The following ST8SIA2 variants were observed in gnomAD, a reference collection of about 807,000 sequenced individuals.
ST8SIA2 encodes the protein ST8 alpha-N-acetyl-neuraminide alpha-2,8-sialyltransferase 2, also known as alpha-2,8-sialyltransferase 8B.
ST8SIA2 carries 22 observed loss-of-function variants against 37.6 expected under a neutral mutation model. That is an observed-to-expected ratio of 0.58 (90% CI 0.42 to 0.83). The LOEUF is 0.83. Among genes scored for constraint, ST8SIA2 ranks in the 40% least tolerant of loss-of-function variants. The probability of loss-of-function intolerance (pLI) is 0.00; values close to 1 mark genes in which losing one functional copy is unlikely to be tolerated. For missense variants in ST8SIA2, 382 were observed against 484.7 expected (o/e 0.79, Z 1.99); for synonymous variants, 205 against 201.2 (o/e 1.02, Z -0.16).
intron 4 of ST8SIA2, among the ~76,000 whole-genome samples, chr15:92,440,407 C>T (rs2049792921): frequency 6.6e-6 from 1 of 152,190 alleles, no homozygotes; most frequent in South Asian, 2.1e-4. Flanking sequence ...CCAGGGGACG[C>T]CACTGCTGGT....
At chr15:92,452,438 A>G (rs2049888492) in intron 5 of ST8SIA2, among the ~76,000 whole-genome samples, 1 of 152,234 alleles carries the variant, frequency 6.6e-6, no homozygotes, top group Non-Finnish European at 1.5e-5. Context: ...GCTGGCCATG[A>G]TCTTCTCCAA....
At chr15:92,449,473 C>A (rs1436609009) in intron 5 of ST8SIA2, among the ~76,000 whole-genome samples, 1 of 152,190 alleles carries the variant, frequency 6.6e-6, no homozygotes, top group East Asian at 1.9e-4. Context: ...ATGAACATGC[C>A]AGTGCATGTG....
At position 92,444,864 on chromosome 15, in the gene ST8SIA2, C is replaced by T. The variant is rs1198993556; in HGVS notation, c.777C>T (p.Ile259=). ...GTGTTGAGTGGGTCAACGAGCTTAT[C>T]CTGAAGCACCACGTCAACGTGCGCA... is the stretch of plus-strand genomic sequence containing the variant. ...KERVEWVNEL[I]LKHHVNVRTA... is the part of the protein sequence containing the mutation. Residue 259 remains isoleucine, a synonymous_variant, in exon 5 of 6, where the codon ATC becomes ATT. Transcript: ENST00000268164. 3 of 1,613,782 alleles carry T rather than the reference C, an allele frequency of 1.9e-6. No homozygotes were observed. Among genetic ancestry groups the T allele is most frequent in the Admixed American group, 1.7e-5 (1 of 60,030 alleles).
chr15:92,406,793 C>T (rs979776337), intron 1 of ST8SIA2, among the ~76,000 whole-genome samples: 17 of 151,982 alleles, frequency 1.1e-4, no homozygotes, highest in African/African-American at 3.4e-4. Context: ...CCCAGGAGTT[C>T]GAGACCAGTC....
intron 1 of ST8SIA2, 36 bp from the exon 2 acceptor site, chr15:92,430,013 T>G (rs1346527539): frequency 6.2e-7 from 1 of 1,612,612 alleles, no homozygotes; most frequent in East Asian, 2.2e-5. Context: ...AAAGATGAGC[T>G]GGGTTTATAA....
intron 5 of ST8SIA2, among the ~76,000 whole-genome samples, chr15:92,461,471 C>T (rs2049957376): frequency 6.6e-6 from 1 of 152,222 alleles, no homozygotes; most frequent in Admixed American, 6.5e-5. Context: ...GACCCCAGAG[C>T]TCAGTGTGTA....
At chr15:92,448,271 CA>C (rs1333007321) in intron 5 of ST8SIA2, among the ~76,000 whole-genome samples, 3 of 152,142 alleles carry the variant, frequency 2.0e-5, no homozygotes, top group Non-Finnish European at 4.4e-5. Context: ...GGAATTCTGC[CA>C]ATGATCCTCT....
intron 4 of ST8SIA2, among the ~76,000 whole-genome samples, chr15:92,440,897 A>T (rs949586811): frequency 2.0e-5 from 3 of 152,222 alleles, no homozygotes; most frequent in Non-Finnish European, 4.4e-5. Flanking sequence ...CAACAGGGAC[A>T]CTAAGTGTTA....
intron 1 of ST8SIA2, among the ~76,000 whole-genome samples, chr15:92,397,154 T>C (rs942204525): frequency 2.0e-5 from 3 of 152,154 alleles, no homozygotes; most frequent in African/African-American, 4.8e-5. Flanking sequence ...GGAACCTCTT[T>C]TGGGGGTAAC....
intron 5 of ST8SIA2, among the ~76,000 whole-genome samples, chr15:92,462,717 G>T (rs1668950160): frequency 6.6e-6 from 1 of 152,204 alleles, no homozygotes; most frequent in Admixed American, 6.5e-5. Context: ...AGGACAGAAA[G>T]ATGTGAATTG....
At chr15:92,403,667 C>T (rs2049487118) in intron 1 of ST8SIA2, among the ~76,000 whole-genome samples, 1 of 152,050 alleles carries the variant, frequency 6.6e-6, no homozygotes, top group African/African-American at 2.4e-5. Context: ...ATAATGAAGG[C>T]GGGAGGCATA....
At chr15:92,452,345 GT>G (rs11332967) in intron 5 of ST8SIA2, among the ~76,000 whole-genome samples, 70,509 of 151,892 alleles carry the variant, frequency 0.46, 16,676 homozygotes, top group South Asian at 0.66. Flanking sequence ...CATGCACAGC[GT>G]TATGTTTGAG....
chr15:92,398,361 A>G (rs2049447168), intron 1 of ST8SIA2, among the ~76,000 whole-genome samples: 2 of 152,260 alleles, frequency 1.3e-5, no homozygotes, highest in African/African-American at 4.8e-5. Flanking sequence ...TCCTCATATT[A>G]GTTCCTCTAC....
At chr15:92,442,162 C>A (rs972809717) in intron 4 of ST8SIA2, among the ~76,000 whole-genome samples, 1 of 152,234 alleles carries the variant, frequency 6.6e-6, no homozygotes, top group Non-Finnish European at 1.5e-5. Flanking sequence ...CCACTTAGGG[C>A]AGAGCTCCCC....
intron 1 of ST8SIA2, among the ~76,000 whole-genome samples, chr15:92,415,866 G>C (rs562020535): frequency 2.0e-5 from 3 of 152,064 alleles, no homozygotes; most frequent in Admixed American, 1.3e-4. Context: ...AAAGACACAG[G>C]CTTGTGAACT....
chr15:92,438,348 C>G lies in ST8SIA2; in HGVS notation c.291-5C>G. ...AATTTCCTCACGCATGTTTGGTTTTCACAGGAAGCAGATTTTAAAGTTCTT... is the reference window on the plus strand; with the variant it reads ...AATTTCCTCACGCATGTTTGGTTTTGACAGGAAGCAGATTTTAAAGTTCTT... On this transcript the variant is annotated splice_region_variant and splice_polypyrimidine_tract_variant and intron_variant, in intron 3 of 5. Transcript: ENST00000268164. 1.2e-6 allele frequency: 2 copies of G among 1,614,164 alleles called. No homozygotes were observed. The highest frequency in any genetic ancestry group is 1.7e-6 in the Non-Finnish European group (2 of 1,180,026).
At chr15:92,439,237 G>C (rs1343068423) in intron 4 of ST8SIA2, among the ~76,000 whole-genome samples, 2 of 152,176 alleles carry the variant, frequency 1.3e-5, no homozygotes, top group Non-Finnish European at 1.5e-5. Context: ...TTGGGAGGGG[G>C]TGCCCTACTA....
At position 92,438,465 on chromosome 15, in the gene ST8SIA2, G is replaced by A. The variant is rs2049776171; in HGVS notation, c.403G>A (p.Val135Met). 3 of 1,614,230 alleles carry A rather than the reference G, an allele frequency of 1.9e-6. No homozygotes were observed. Among genetic ancestry groups the A allele is most frequent in the Non-Finnish European group, 2.5e-6 (3 of 1,180,050 alleles). The change falls in exon 4 of 6, where the codon GTG becomes ATG. Residue 135 changes from valine to methionine, a missense_variant. By Grantham distance (21) the Val-to-Met change is conservative. Transcript: ENST00000268164. ...YIFDRDSTMNVSQNLYELLPR... is the reference protein window; with the variant it reads ...YIFDRDSTMNMSQNLYELLPR... ...CTTCGATCGAGACAGCACCATGAAT[G>A]TGTCCCAGAACCTCTACGAGCTCCT...
intron 2 of ST8SIA2, among the ~76,000 whole-genome samples, chr15:92,430,750 G>A (rs953684064): frequency 1.3e-5 from 2 of 152,186 alleles, no homozygotes; most frequent in Non-Finnish European, 2.9e-5. Context: ...GTGCCCCATA[G>A]CTATGGCCTG....
Sources: allele counts gnomAD v4.1 joint callset (sites outside exome capture counted in the v4.1 genomes callset), GRCh38; gene constraint gnomAD v4.1.1; transcripts MANE v1.5; gene names NCBI Gene and HGNC (gene_info 2026-07-23, HGNC 2026-07-21).